The following NAF1 variants were observed in gnomAD, a reference collection of about 807,000 sequenced individuals.
NAF1 encodes the protein nuclear assembly factor 1 ribonucleoprotein.
Under a neutral mutation model 40.6 loss-of-function variants are expected in NAF1, and 11 were observed. That is an observed-to-expected ratio of 0.27 (90% CI 0.17 to 0.45). The LOEUF is 0.45. Ranked by LOEUF, NAF1 falls within the 20% of genes least tolerant of loss-of-function variation. The pLI is 1.00. For missense variants in NAF1, 607 were observed against 611.1 expected (o/e 0.99, Z 0.07); for synonymous variants, 260 against 228.5 (o/e 1.14, Z -1.24).
intron 6 of NAF1, chr4:163,134,914 G>C (rs1730997856): frequency 6.6e-6 from 1 of 152,122 alleles, no homozygotes; most frequent in African/African-American, 2.4e-5. Flanking sequence ...AGGAAGTAAG[G>C]ATTTTAATTG....
rs375012066 is a variant in NAF1, at chr4:163,166,418, G to C, written c.310C>G (p.Pro104Ala). 94 of 1,607,692 alleles carry C rather than the reference G, an allele frequency of 5.8e-5. No individual in the cohort carries two copies. The highest frequency in any genetic ancestry group is 7.6e-5 in the Non-Finnish European group (89 of 1,176,760). ...TCCAAGGAGTCCGGCGCCCGCGCAGGCTCTGCGGCTCCTGGGGAGGTGACG... is the reference window on the plus strand; with the variant it reads ...TCCAAGGAGTCCGGCGCCCGCGCAGCCTCTGCGGCTCCTGGGGAGGTGACG... ...DCVTSPGAAE[P>A]ARAPDSLETS... Residue 104 changes from proline to alanine, a missense_variant, in exon 1 of 8, where the codon CCT (proline) becomes GCT (alanine). By Grantham distance (27) the Pro-to-Ala change is conservative. Coordinates refer to ENST00000274054, the MANE Select transcript of NAF1 (RefSeq NM_138386.3).
Position 163,129,006 on chromosome 4 carries a change from T to A in NAF1, c.1376A>T (p.His459Leu). The A allele has an allele frequency of 7.0e-7, 1 of 1,433,418 alleles. No homozygotes were observed. Among genetic ancestry groups the A allele is most frequent in the Non-Finnish European group, 9.2e-7 (1 of 1,085,872 alleles). The allele number at this position is 1,433,418 out of a possible 1,614,324, so 88.8% of individuals were successfully genotyped here. ...MGWATPNMAAHPLLNLPYSLP... is the reference protein window; with the variant it reads ...MGWATPNMAALPLLNLPYSLP... Reference sequence around the variant, plus strand: ...GGAGTATGGTAAGTTAAGTAATGGATGAGCAGCCATGTTTGGTGTAGCCCA... The same window carrying A: ...GGAGTATGGTAAGTTAAGTAATGGAAGAGCAGCCATGTTTGGTGTAGCCCA... The change falls in exon 8 of 8, where the codon CAT becomes CTT. Residue 459 changes from histidine to leucine, a missense_variant. This residue lies in a region of NAF1 where 189 missense variants were observed against 216.6 expected (regional missense o/e 0.87). Transcript: ENST00000274054.
At chr4:163,111,370 T>C (rs1560773873) in intron 2 of NAF1, among the ~76,000 whole-genome samples, 1 of 152,146 alleles carries the variant, frequency 6.6e-6, no homozygotes, top group Non-Finnish European at 1.5e-5. Context: ...CCTCCCCATC[T>C]CTGAGCATAA....
At chr4:163,109,725 G>A (rs1273770451), downstream of NAF1, among the ~76,000 whole-genome samples, 3 of 152,176 alleles carry the variant, frequency 2.0e-5, no homozygotes, top group Non-Finnish European at 4.4e-5. Context: ...AGGAGAGAGT[G>A]CTCCATGGGG....
rs539967763 is a variant in NAF1 at position 163,156,450 on chromosome 4, A to T, written c.540+7767T>A. Among the ~76,000 whole-genome samples, 15 of 150,950 alleles carry T rather than the reference A, an allele frequency of 9.9e-5. No homozygotes were observed. The South Asian group carries it at 3.2e-3, about 32-fold the overall frequency. On this transcript the variant is annotated intron_variant, in intron 2 of 7. Coordinates refer to ENST00000274054, the MANE Select transcript of NAF1 (RefSeq NM_138386.3). The stretch of plus-strand genomic sequence containing the variant: ...GTTAAAAGAATGATGAGTAGATAGG[A>T]AAGACTTTTTGTTTTGTTTACTCAA...
chr4:163,133,773 A>G (rs1212586372), intron 6 of NAF1: 2 of 152,412 alleles, frequency 1.3e-5, no homozygotes, highest in Non-Finnish European at 2.9e-5. Flanking sequence ...GGGTATACAA[A>G]TCATGGGGAA....
intron 2 of NAF1, chr4:163,117,392 T>C (rs773819867): frequency 6.6e-6 from 1 of 152,176 alleles, no homozygotes; most frequent in Non-Finnish European, 1.5e-5. Context: ...GTTCATTGAA[T>C]AAATGAATAT....
intron 2 of NAF1, among the ~76,000 whole-genome samples, chr4:163,163,526 T>G (rs1037467392): frequency 6.6e-5 from 10 of 152,272 alleles, no homozygotes; most frequent in African/African-American, 2.2e-4. Context: ...TGGCCTACAT[T>G]CTGAAATTCT....
Position 163,166,658 on chromosome 4 carries a change from C to G in NAF1, c.70G>C (p.Gly24Arg), listed in dbSNP as rs758859619. Residue 24 changes from glycine to arginine, a missense_variant, in exon 1 of 8, where the codon GGG becomes CGG. Physicochemically the swap from Gly to Arg is moderately radical, Grantham distance 125 (BLOSUM62 -2). Transcript: ENST00000274054. ...GGAGACGGAGCCGCCGGACCTTCCC[C>G]AACTCCAAAGTCGGTGCCATTGAAT... ...LKFNGTDFGV[G>R]EGPAAPSPGS... 2 of 1,613,664 alleles carry G rather than the reference C, an allele frequency of 1.2e-6. No homozygotes were observed. Among genetic ancestry groups the G allele is most frequent in the African/African-American group, 1.3e-5 (1 of 75,074 alleles).
At position 163,129,003 on chromosome 4, in the gene NAF1, G is replaced by C. The variant is rs778042759; in HGVS notation, c.1379C>G (p.Pro460Arg). ...TAGGGAGTATGGTAAGTTAAGTAAT[G>C]GATGAGCAGCCATGTTTGGTGTAGC... is the stretch of plus-strand genomic sequence containing the variant. ...GWATPNMAAHPLLNLPYSLPP... is the reference protein window; with the variant it reads ...GWATPNMAAHRLLNLPYSLPP... The change falls in exon 8 of 8, where the codon CCA becomes CGA. Residue 460 changes from proline to arginine, a missense_variant. By Grantham distance (103) the Pro-to-Arg change is moderately radical (BLOSUM62 -2). Coordinates refer to ENST00000274054, the MANE Select transcript of NAF1 (RefSeq NM_138386.3). 257 of 1,539,590 alleles carry C rather than the reference G, an allele frequency of 1.7e-4. No homozygotes were observed. Among genetic ancestry groups the C allele is most frequent in the Non-Finnish European group, 2.2e-4 (247 of 1,139,724 alleles).
chr4:163,120,144 G>GA lies in NAF1; in HGVS notation c.115-9855dup, dbSNP rs1410792862. ...CATTTGCAAGAGCTGTGGGTTGGGG[G>GA]AGAGTGCAAATGTTTCCCAGCACTC... On this transcript the variant is annotated intron_variant, in intron 2 of 2. Transcript: ENST00000509434. 3.9e-5 allele frequency among the ~76,000 whole-genome samples: 6 copies of GA among 152,212 alleles called. No individual in the cohort carries two copies. In the South Asian group the frequency reaches 6.2e-4, roughly 16 times the overall value.
At chr4:163,165,720 C>G (rs1023439133) in intron 1 of NAF1, among the ~76,000 whole-genome samples, 1 of 152,106 alleles carries the variant, frequency 6.6e-6, no homozygotes, top group African/African-American at 2.4e-5. Context: ...TAGTAACATC[C>G]CACATGCTGG....
At chr4:163,123,556 A>G (rs1453216701), downstream of NAF1, among the ~76,000 whole-genome samples, 2 of 151,958 alleles carry the variant, frequency 1.3e-5, no homozygotes, top group East Asian at 3.9e-4. Flanking sequence ...TAATTTTTGT[A>G]TTTTTTGTAG....
chr4:163,155,631 CATT>C (rs1438250582), intron 2 of NAF1, among the ~76,000 whole-genome samples: 1 of 152,164 alleles, frequency 6.6e-6, no homozygotes, highest in South Asian at 2.1e-4. Flanking sequence ...CAGTAGCAAA[CATT>C]ATTACAATTA....
At chr4:163,153,960 C>T (rs886502280) in intron 2 of NAF1, among the ~76,000 whole-genome samples, 1 of 152,220 alleles carries the variant, frequency 6.6e-6, no homozygotes. Context: ...CCAGCGAGAC[C>T]ACGAGCCCAC....
rs189048015 is a variant in NAF1, at chr4:163,116,267, T to C, written c.115-5977A>G. On this transcript the variant is annotated intron_variant, in intron 2 of 2. Coordinates refer to the NAF1 transcript ENST00000509434. ...CATAAGTGAAACCCTTGAAAATGTG[T>C]AGTTTAATTATGAAACTGCTACCAC... Among the ~76,000 whole-genome samples, 7 of 152,336 alleles carry C rather than the reference T, an allele frequency of 4.6e-5. No homozygotes were observed. The East Asian group carries it at 1.4e-3, about 29-fold the overall frequency.
intron 2 of NAF1, among the ~76,000 whole-genome samples, chr4:163,148,860 T>G (rs1199506734): frequency 6.6e-6 from 1 of 152,154 alleles, no homozygotes; most frequent in Non-Finnish European, 1.5e-5. Context: ...AGTTAATTAG[T>G]TTGACTGTGA....
In NAF1 at chr4:163,129,108, G is replaced by A; in HGVS notation, c.1274C>T (p.Pro425Leu). ...NNPIMPQYPF[P>L]LPVFDMHNFP... is the part of the protein sequence containing the mutation. Reference sequence around the variant, plus strand: ...ATTATGCATGTCAAACACTGGAAGAGGAAAGGGGTATTGTGGCATAATGGG... The same window carrying A: ...ATTATGCATGTCAAACACTGGAAGAAGAAAGGGGTATTGTGGCATAATGGG... The change falls in exon 8 of 8, where the codon CCT becomes CTT. Residue 425 changes from proline to leucine, a missense_variant. Around this residue, in one of 3 missense-constraint regions of NAF1, gnomAD observed 189 missense variants for 216.6 expected, o/e 0.87. Coordinates refer to ENST00000274054, the MANE Select transcript of NAF1 (RefSeq NM_138386.3). 1.9e-6 allele frequency: 3 copies of A among 1,612,814 alleles called. No individual in the cohort carries two copies. Among genetic ancestry groups the A allele is most frequent in the Non-Finnish European group, 2.5e-6 (3 of 1,179,082 alleles).
intron 2 of NAF1, chr4:163,158,355 G>T (rs1476603523): frequency 6.6e-6 from 1 of 151,988 alleles, no homozygotes; most frequent in African/African-American, 2.4e-5. Flanking sequence ...AAAAAGAATG[G>T]ATTAGGTCTG....
Sources: gnomAD v4.1 joint callset for allele counts (sites outside exome capture counted in the v4.1 genomes callset) on GRCh38, gnomAD v4.1.1 for gene constraint, gnomAD v4.1.1 regional missense constraint, MANE v1.5 for transcripts, NCBI Gene and HGNC (gene_info 2026-07-23, HGNC 2026-07-21) for gene names.